Variants in CUX1 observed in about 807,000 individuals in gnomAD.
CUX1 encodes cut like homeobox 1, also known as protein CASP.
CUX1 carries 31 observed loss-of-function variants against 158.8 expected under a neutral mutation model. That is an observed-to-expected ratio of 0.20 (90% CI 0.15 to 0.26). The LOEUF is 0.26. CUX1 is among the 10% of genes least tolerant of loss of function. The pLI, the probability that CUX1 is intolerant of heterozygous loss-of-function variation, is 1.00. For missense variants in CUX1, 1,589 were observed against 2,014.6 expected (o/e 0.79, Z 4.04); for synonymous variants, 879 against 862.1 (o/e 1.02, Z -0.34).
intron 20 of CUX1, among the ~76,000 whole-genome samples, chr7:102,225,788 G>C (rs1228583471): frequency 2.0e-5 from 3 of 152,162 alleles, no homozygotes; most frequent in South Asian, 4.1e-4. Flanking sequence ...ACAGGATTTT[G>C]AATCAGCCAG....
chr7:101,923,912 G>A (rs1010243675), intron 2 of CUX1, among the ~76,000 whole-genome samples: 5 of 152,174 alleles, frequency 3.3e-5, no homozygotes, highest in Non-Finnish European at 5.9e-5. Flanking sequence ...CTTCTACGCC[G>A]GCCTGGCGCA....
chr7:101,816,618 G>A (rs1791833119), upstream of CUX1, among the ~76,000 whole-genome samples: 1 of 144,414 alleles, frequency 6.9e-6, no homozygotes, highest in South Asian at 2.1e-4. Context: ...TATTCCCGGG[G>A]AAAGTTTGTG....
intron 20 of CUX1, among the ~76,000 whole-genome samples, chr7:102,215,229 CTTTTTTTTTTT>C (rs547506149): frequency 4.3e-5 from 4 of 92,780 alleles, no homozygotes; most frequent in Non-Finnish European, 6.2e-5. Flanking sequence ...GTTACTCCAA[CTTTTTTTTTTT>C]TTTTTTTTTT....
intron 3 of CUX1, among the ~76,000 whole-genome samples, chr7:102,050,297 T>G (rs1277753792): frequency 6.6e-6 from 1 of 152,204 alleles, no homozygotes; most frequent in Admixed American, 6.5e-5. Flanking sequence ...GATGATGGCA[T>G]AAAAGCAGTG....
intron 8 of CUX1, among the ~76,000 whole-genome samples, chr7:102,156,853 G>T (rs1465139039): frequency 6.6e-6 from 1 of 152,188 alleles, no homozygotes; most frequent in Non-Finnish European, 1.5e-5. Context: ...GGGATATAGG[G>T]CAAAAGGGAC....
chr7:102,186,709 G>GT (rs1322766296), intron 11 of CUX1: 1 of 152,018 alleles, frequency 6.6e-6, no homozygotes, highest in Non-Finnish European at 1.5e-5. Flanking sequence ...AGGGCCGTAT[G>GT]TCAACTTTCT....
chr7:101,992,808 C>T (rs1278010137), intron 2 of CUX1, among the ~76,000 whole-genome samples: 6 of 151,934 alleles, frequency 3.9e-5, no homozygotes, highest in East Asian at 1.9e-4. Flanking sequence ...CCCGCCCCGC[C>T]GGATTATTTG....
chr7:102,226,402 G>T (rs1464438718), intron 20 of CUX1, among the ~76,000 whole-genome samples: 17 of 152,198 alleles, frequency 1.1e-4, no homozygotes, highest in African/African-American at 4.1e-4. Flanking sequence ...TTCCCCTAGA[G>T]TTGGGTGCTG....
At chr7:102,268,183 T>TC (rs1554545481) in intron 14 of CUX1, among the ~76,000 whole-genome samples, 1 of 152,046 alleles carries the variant, frequency 6.6e-6, no homozygotes, top group East Asian at 1.9e-4. Context: ...CATCCCTCTC[T>TC]CCCCTAAACA....
intron 3 of CUX1, among the ~76,000 whole-genome samples, chr7:102,054,207 C>T (rs1423501312): frequency 6.6e-6 from 1 of 152,162 alleles, no homozygotes; most frequent in African/African-American, 2.4e-5. Flanking sequence ...GTGCTTTTGG[C>T]ATCATACCTA....
At chr7:101,974,598 A>G (rs952510548) in intron 2 of CUX1, among the ~76,000 whole-genome samples, 1 of 152,152 alleles carries the variant, frequency 6.6e-6, no homozygotes. Flanking sequence ...ATAGATGTAG[A>G]TATATTACAG....
At chr7:101,819,771 T>C (rs76358964) in intron 1 of CUX1, among the ~76,000 whole-genome samples, 467 of 152,306 alleles carry the variant, frequency 3.1e-3, no homozygotes, top group African/African-American at 0.011. Flanking sequence ...AACTCTTTTT[T>C]TCCTTAAAGG....
intron 11 of CUX1, among the ~76,000 whole-genome samples, chr7:102,181,593 G>A (rs531207179): frequency 4.6e-5 from 7 of 152,288 alleles, no homozygotes; most frequent in South Asian, 2.1e-4. Flanking sequence ...GTTTAATACC[G>A]TGCAGTTAAT....
intron 17 of CUX1, chr7:102,277,932 T>TGCGG: frequency 8.7e-7 from 1 of 1,150,376 alleles, no homozygotes; most frequent in Non-Finnish European, 1.2e-6. Context: ...CCCCTTTCCT[T>TGCGG]GCCCCTCCCC....
At chr7:102,044,759 T>C (rs1286340450) in intron 3 of CUX1, among the ~76,000 whole-genome samples, 1 of 152,030 alleles carries the variant, frequency 6.6e-6, no homozygotes, top group Non-Finnish European at 1.5e-5. Context: ...ACAAGCAAAA[T>C]AGGTCAGTGC....
chr7:102,202,315 A>T (rs527523071), intron 18 of CUX1, 111 bp downstream of exon 18: 1 of 1,410,444 alleles, frequency 7.1e-7, no homozygotes, highest in Admixed American at 2.3e-5. Flanking sequence ...ACCCAAGAGC[A>T]GAGCGTAAGG....
rs1210870912 is a variant in CUX1, at chr7:102,227,490, A to C, written c.3254A>C (p.Lys1085Thr). Residue 1085 changes from lysine (K) to threonine (T), a missense_variant, in exon 21 of 24, where the codon AAG becomes ACG. Around this residue, in one of 8 missense-constraint regions of CUX1, gnomAD observed 259 missense variants for 373.8 expected, o/e 0.69. Coordinates refer to ENST00000292535, the MANE Select transcript of CUX1 (RefSeq NM_181552.4). ...CCCTGTCCCCCCATCGAGGCGAGCA[A>C]GGACAGCAAGCCACCAGAGCCCAGT... Reference protein sequence around the residue: ...QQPCPPIEASKDSKPPEPSDP... With the variant: ...QQPCPPIEASTDSKPPEPSDP... The C allele has an allele frequency of 6.2e-7, 1 of 1,614,066 alleles. No homozygotes were observed. The highest frequency in any genetic ancestry group is 1.1e-5 in the South Asian group (1 of 91,074).
chr7:102,219,039 C>T (rs1797529017), intron 20 of CUX1, among the ~76,000 whole-genome samples: 1 of 122,652 alleles, frequency 8.2e-6, no homozygotes, highest in Non-Finnish European at 1.7e-5. Flanking sequence ...GACAACAGAT[C>T]AAGACCCTGC....
At chr7:102,036,844 G>C (rs1268898216) in intron 3 of CUX1, among the ~76,000 whole-genome samples, 3 of 152,116 alleles carry the variant, frequency 2.0e-5, no homozygotes, top group African/African-American at 4.8e-5. Flanking sequence ...GGATCAGTGA[G>C]GAAAGGGGGG....
Sources: allele counts gnomAD v4.1 joint callset (sites outside exome capture counted in the v4.1 genomes callset), GRCh38; gene constraint gnomAD v4.1.1; regional missense constraint gnomAD v4.1.1; transcripts MANE v1.5; gene names NCBI Gene and HGNC (gene_info 2026-07-23, HGNC 2026-07-21).